Variants in MIA3 observed in about 807,000 individuals in gnomAD.
MIA3 encodes MIA SH3 domain ER export factor 3, also known as transport and Golgi organization protein 1 homolog.
A neutral mutation model predicts 192.4 loss-of-function variants in MIA3; 90 were observed. The observed-to-expected ratio is 0.47, with a 90% CI of 0.39 to 0.56. MIA3 has a LOEUF of 0.56. Ranked by LOEUF, MIA3 falls within the 20% of genes least tolerant of loss-of-function variation. The probability of loss-of-function intolerance (pLI) is 0.00; values close to 1 mark genes in which losing one functional copy is unlikely to be tolerated. For synonymous variants in MIA3, 740 were observed against 792.8 expected (o/e 0.93, Z 1.12); for missense variants, 2,123 against 2,269.4 (o/e 0.94, Z 1.31).
intron 18 of MIA3, among the ~76,000 whole-genome samples, chr1:222,656,545 T>A (rs1200898456): frequency 6.6e-6 from 1 of 152,164 alleles, no homozygotes; most frequent in Non-Finnish European, 1.5e-5. Flanking sequence ...GCAGTTTTCT[T>A]GGGAGGTGCC....
chr1:222,627,723 A>AC lies in MIA3; in HGVS notation c.506dup (p.Glu170Ter). The AC allele has an allele frequency of 6.2e-7, 1 of 1,613,462 alleles. No individual in the cohort carries two copies. Among genetic ancestry groups the AC allele is most frequent in the Non-Finnish European group, 8.5e-7 (1 of 1,179,910 alleles). On this transcript the variant is annotated frameshift_variant, in exon 4 of 28. Coordinates refer to ENST00000344922, the MANE Select transcript of MIA3 (RefSeq NM_198551.4). LOFTEE classifies it high-confidence loss of function. Reference sequence around the variant, plus strand: ...AAAACTTTACAGGATATGGAAAAAAACCCTGAATTATCTAAGGAAAGGGAA... The same window carrying AC: ...AAAACTTTACAGGATATGGAAAAAAACCCCTGAATTATCTAAGGAAAGGGAA...
At chr1:222,624,644 G>C in intron 2 of MIA3, 124 bp from the exon 3 acceptor site, 1 of 605,912 alleles carries the variant, frequency 1.7e-6, no homozygotes, top group South Asian at 1.7e-5. Context: ...GAAAAGTAAT[G>C]ACATTACAAG....
chr1:222,651,315 C>A (rs1663420885), intron 11 of MIA3, among the ~76,000 whole-genome samples: 1 of 151,490 alleles, frequency 6.6e-6, no homozygotes, highest in Admixed American at 6.6e-5. Context: ...AAATCCCACA[C>A]CCTATTAATC....
At chr1:222,621,379 A>G (rs1661850087) in intron 2 of MIA3, 87 bp downstream of exon 2, 2 of 1,319,498 alleles carry the variant, frequency 1.5e-6, no homozygotes, top group Non-Finnish European at 1.0e-6. Context: ...TTTTCTTGGG[A>G]CCTTTGATGG....
chr1:222,637,120 T>C (rs1420650879), intron 6 of MIA3, among the ~76,000 whole-genome samples: 1 of 152,218 alleles, frequency 6.6e-6, no homozygotes, highest in Non-Finnish European at 1.5e-5. Flanking sequence ...TACCAGTTAC[T>C]GTCTATGGAG....
chr1:222,625,227 G>A (rs531810849), intron 3 of MIA3, among the ~76,000 whole-genome samples: 127 of 152,160 alleles, frequency 8.3e-4, no homozygotes, highest in African/African-American at 2.9e-3. Context: ...GGATGGTCTC[G>A]ATCTCCTGAC....
Position 222,667,436 on chromosome 1 carries a change from G to A in MIA3, c.*1817G>A, listed in dbSNP as rs1664339259. ...ATTTCTAATTTTAAATGTCATTTAA[G>A]TGTAGATTATGCCATCTAGGAAGGT... On this transcript the variant is annotated 3_prime_UTR_variant, in exon 28 of 28. Coordinates refer to ENST00000344922, the MANE Select transcript of MIA3 (RefSeq NM_198551.4). The A allele has an allele frequency of 6.6e-6, 1 of 152,164 alleles. No homozygotes were observed. The highest frequency in any genetic ancestry group is 1.5e-5 in the Non-Finnish European group (1 of 68,018). 9.4% of individuals were successfully genotyped at this position (152,164 alleles called of 1,614,324 possible). A position where few individuals can be genotyped will look rare whatever the true frequency, so the allele number is the denominator to read the frequency against.
chr1:222,663,889 T>C (rs1411601551), intron 26 of MIA3, 109 bp from the exon 27 acceptor site: 9 of 1,073,104 alleles, frequency 8.4e-6, no homozygotes, highest in Non-Finnish European at 1.2e-5. Context: ...TTCTGCTCTT[T>C]GGACAAGTGC....
intron 27 of MIA3, among the ~76,000 whole-genome samples, chr1:222,664,473 G>GA (rs1233791665): frequency 6.6e-6 from 1 of 152,176 alleles, no homozygotes; most frequent in Non-Finnish European, 1.5e-5. Flanking sequence ...CCCTAACTAA[G>GA]ATGTCCTGTA....
chr1:222,629,185 T>A lies in MIA3; in HGVS notation c.1965T>A (p.Leu655=), dbSNP rs1558176099. The A allele has an allele frequency of 2.5e-6, 4 of 1,614,102 alleles. No homozygotes were observed. Among genetic ancestry groups the A allele is most frequent in the Non-Finnish European group, 2.5e-6 (3 of 1,180,008 alleles). ...AGGTTCCCATTCTGGGAAGAAATCT[T>A]CCCTGGCAACAAGAAAGAGATGTGG... is the stretch of plus-strand genomic sequence containing the variant. ...EDEVPILGRN[L]PWQQERDVAA... The change falls in exon 4 of 28, where the codon CTT becomes CTA. Residue 655 remains leucine (L), a synonymous_variant. Transcript: ENST00000344922.
At chr1:222,660,411 C>A in intron 24 of MIA3, 97 bp downstream of exon 24, 2 of 1,250,118 alleles carry the variant, frequency 1.6e-6, no homozygotes, top group Non-Finnish European at 2.1e-6. Flanking sequence ...TCGGGTCTGT[C>A]CAGTATAGAA....
In MIA3 at chr1:222,666,960, C is replaced by CTGA. The variant is rs779904279; in HGVS notation, c.*1343_*1345dup. On this transcript the variant is annotated 3_prime_UTR_variant, in exon 28 of 28. Coordinates refer to ENST00000344922, the MANE Select transcript of MIA3 (RefSeq NM_198551.4). Reference sequence around the variant, plus strand: ...ACACTAAAACTAAAATCATAAAAGGCTGATACTTTTGTTTGCTGCTAGGCT... The same window carrying CTGA: ...ACACTAAAACTAAAATCATAAAAGGCTGATGATACTTTTGTTTGCTGCTAGGCT... The CTGA allele has an allele frequency of 1.3e-5, 2 of 152,180 alleles. No homozygotes were observed. Among genetic ancestry groups the CTGA allele is most frequent in the East Asian group, 1.9e-4 (1 of 5,182 alleles). The allele number at this position is 152,180 out of a possible 1,614,324, so 9.4% of individuals were successfully genotyped here.
intron 6 of MIA3, chr1:222,641,823 T>C (rs1279652474): frequency 1.9e-6 from 1 of 533,734 alleles, no homozygotes; most frequent in African/African-American, 1.9e-5. Flanking sequence ...TGAGCATTTC[T>C]AGCTGCGGCA....
At chr1:222,658,984 A>G (rs578133457) in intron 19 of MIA3, 161 bp downstream of exon 19, 2 of 558,738 alleles carry the variant, frequency 3.6e-6, no homozygotes, top group Non-Finnish European at 6.4e-6. Context: ...AATATTAACA[A>G]ATACCCAGTG....
At chr1:222,660,925 T>C (rs990111216) in intron 24 of MIA3, 3 of 152,614 alleles carry the variant, frequency 2.0e-5, no homozygotes, top group African/African-American at 7.2e-5. Context: ...TAAACACATG[T>C]AAAGATGCAG....
chr1:222,629,324 G>T lies in MIA3; in HGVS notation c.2104G>T (p.Val702Leu), dbSNP rs1662281562. The change falls in exon 4 of 28, where the codon GTA (valine) becomes TTA (leucine). Residue 702 changes from valine to leucine, a missense_variant. This residue lies in a region of MIA3 where 1,357 missense variants were observed against 1,396.1 expected (regional missense o/e 0.97). Coordinates refer to ENST00000344922, the MANE Select transcript of MIA3 (RefSeq NM_198551.4). ...TCACAAGGCAATGCAGGGCACAGAGGTAGGACAGACAGACCAAACTGACAG... is the reference window on the plus strand; with the variant it reads ...TCACAAGGCAATGCAGGGCACAGAGTTAGGACAGACAGACCAAACTGACAG... Reference protein sequence around the residue: ...FHHKAMQGTEVGQTDQTDSTG... With the variant: ...FHHKAMQGTELGQTDQTDSTG... 6.2e-7 allele frequency: 1 copy of T among 1,614,198 alleles called. No individual in the cohort carries two copies. Among genetic ancestry groups the T allele is most frequent in the African/African-American group, 1.3e-5 (1 of 75,066 alleles).
In MIA3 at chr1:222,628,106, G is replaced by A. The variant is rs76237185; in HGVS notation, c.886G>A (p.Val296Ile). Residue 296 changes from valine to isoleucine, a missense_variant, in exon 4 of 28, where the codon GTT (valine) becomes ATT (isoleucine). Around this residue, in one of 3 missense-constraint regions of MIA3, gnomAD observed 1,357 missense variants for 1,396.1 expected, o/e 0.97. Coordinates refer to ENST00000344922, the MANE Select transcript of MIA3 (RefSeq NM_198551.4). ...LVSDDETTRL[V>I]TSLEDDFDEE... Reference sequence around the variant, plus strand: ...ATCTGATGATGAGACAACCAGACTCGTTACTTCATTAGAAGATGATTTTGA... The same window carrying A: ...ATCTGATGATGAGACAACCAGACTCATTACTTCATTAGAAGATGATTTTGA... 980 of 1,613,948 alleles carry A rather than the reference G, an allele frequency of 6.1e-4. 2 individuals are homozygous for A. The African/African-American group carries it at 0.012, about 19-fold the overall frequency.
chr1:222,621,038 G>A, intron 1 of MIA3, 121 bp from the exon 2 acceptor site: 1 of 742,402 alleles, frequency 1.3e-6, no homozygotes, highest in Non-Finnish European at 2.1e-6. Context: ...ATTCCAGAGA[G>A]TACTGGAAAA....
intron 3 of MIA3, among the ~76,000 whole-genome samples, chr1:222,625,660 A>G (rs1662081958): frequency 6.6e-6 from 1 of 152,230 alleles, no homozygotes; most frequent in Admixed American, 6.5e-5. Context: ...CTAACTACAC[A>G]TTCTGTAGAG....
Sources: allele counts gnomAD v4.1 joint callset (sites outside exome capture counted in the v4.1 genomes callset), GRCh38; gene constraint gnomAD v4.1.1; regional missense constraint gnomAD v4.1.1; transcripts MANE v1.5; gene names NCBI Gene and HGNC (gene_info 2026-07-23, HGNC 2026-07-21).